CARD10: variants seen among roughly 807,000 people sequenced by gnomAD.
The protein encoded by CARD10 is caspase recruitment domain family member 10.
CARD10 carries 49 observed loss-of-function variants against 114.6 expected under a neutral mutation model. The ratio of observed to expected loss-of-function variants is 0.43; its 90% CI spans 0.34 to 0.54. CARD10 has a LOEUF of 0.54. Ranked by LOEUF, CARD10 falls within the 20% of genes least tolerant of loss-of-function variation. The pLI, the probability that CARD10 is intolerant of heterozygous loss-of-function variation, is 0.03. For missense variants in CARD10, 1,206 were observed against 1,397.2 expected (o/e 0.86, Z 2.18); for synonymous variants, 602 against 593.2 (o/e 1.01, Z -0.21).
chr22:37,506,294 C>T lies in CARD10; in HGVS notation c.1281G>A (p.Glu427=). Residue 427 remains glutamate (E), a synonymous_variant, in exon 7 of 20, where the codon GAG becomes GAA. Transcript: ENST00000251973. The part of the protein sequence containing the change: ...DQYRKQVRGL[E]AERDELLTTL... ...TTGTCAGCAGCTCATCCCGCTCCGC[C>T]TCCAGGCCCCGCACCTGCTTGCGGT... The T allele has an allele frequency of 6.2e-7, 1 of 1,611,012 alleles. No homozygotes were observed. Among genetic ancestry groups the T allele is most frequent in the South Asian group, 1.1e-5 (1 of 89,986 alleles).
At chr22:37,505,879 A>T (rs562601524) in intron 7 of CARD10, among the ~76,000 whole-genome samples, 1 of 152,280 alleles carries the variant, frequency 6.6e-6, no homozygotes, top group East Asian at 1.9e-4. Context: ...GCATTCTAAC[A>T]TGCACACAGG....
chr22:37,498,437 G>A (rs1372126622), intron 11 of CARD10, among the ~76,000 whole-genome samples: 2 of 152,190 alleles, frequency 1.3e-5, no homozygotes, highest in Non-Finnish European at 2.9e-5. Flanking sequence ...GGAGGAGGTG[G>A]GGAGACCAAG....
At chr22:37,518,589 A>C (rs1313184288) in intron 1 of CARD10, among the ~76,000 whole-genome samples, 2 of 152,172 alleles carry the variant, frequency 1.3e-5, no homozygotes, top group Admixed American at 6.5e-5. Flanking sequence ...TATGGTGCAC[A>C]GAGGAGGGGA....
At chr22:37,505,507 C>T (rs1214306316) in intron 7 of CARD10, among the ~76,000 whole-genome samples, 1 of 151,794 alleles carries the variant, frequency 6.6e-6, no homozygotes, top group Non-Finnish European at 1.5e-5. Context: ...CCCATCCCTA[C>T]TGAAAATACA....
At chr22:37,515,132 G>C (rs1000235696) in intron 3 of CARD10, among the ~76,000 whole-genome samples, 3 of 152,214 alleles carry the variant, frequency 2.0e-5, no homozygotes, top group African/African-American at 7.2e-5. Context: ...ATGAGGGCTT[G>C]GCGTATGGTG....
Position 37,491,221 on chromosome 22 carries a change from C to T in CARD10, c.3037G>A (p.Ala1013Thr), listed in dbSNP as rs374790050. 66 of 1,569,136 alleles carry T rather than the reference C, an allele frequency of 4.2e-5. No individual in the cohort carries two copies. In the African/African-American group the frequency reaches 8.0e-4, roughly 19 times the overall value. The change falls in exon 20 of 20, where the codon GCC becomes ACC. Residue 1013 changes from alanine (A) to threonine (T), a missense_variant. By Grantham distance (58) the Ala-to-Thr change is moderately conservative. Coordinates refer to ENST00000251973, the MANE Select transcript of CARD10 (RefSeq NM_014550.4). ...VVRGRILQEQ[A>T]RLVWVECGSS... ...CCGCACTCCACCCACACGAGGCGGG[C>T]CTGCTCCTGCAGGATGCGGCCGCGC...
Position 37,496,424 on chromosome 22 carries a change from G to T in CARD10, c.2059+25C>A. On this transcript the variant is annotated intron_variant, in intron 13 of 19. Transcript: ENST00000251973. This position sits in a 1 kb window ranked among gnomAD's most constrained non-coding sequence, Gnocchi z 4.1. ...TTAGAGGACCCCTCTGGGGCCAACA[G>T]CTCCGACTCCCAAGCCAGACTTACC... is the stretch of plus-strand genomic sequence containing the variant. 6.4e-7 allele frequency: 1 copy of T among 1,559,864 alleles called. No homozygotes were observed. Among genetic ancestry groups the T allele is most frequent in the East Asian group, 2.2e-5 (1 of 44,542 alleles).
chr22:37,517,874 T>C, intron 2 of CARD10, 97 bp downstream of exon 2: 2 of 1,455,198 alleles, frequency 1.4e-6, no homozygotes. Flanking sequence ...CCCTTACTGT[T>C]CAACAGGCAT....
intron 7 of CARD10, among the ~76,000 whole-genome samples, chr22:37,505,435 T>C (rs991164525): frequency 1.8e-4 from 27 of 152,078 alleles, no homozygotes; most frequent in African/African-American, 6.5e-4. Flanking sequence ...TTTGGGAGGC[T>C]GAGGCAGGAG....
chr22:37,507,000 T>C (rs1202038525), intron 6 of CARD10, among the ~76,000 whole-genome samples: 1 of 152,226 alleles, frequency 6.6e-6, no homozygotes, highest in Admixed American at 6.5e-5. Context: ...AGACTTCGGC[T>C]GGGCATGGGA....
intron 14 of CARD10, 86 bp from the exon 15 acceptor site, chr22:37,495,672 G>C (rs962871597): frequency 1.9e-6 from 3 of 1,609,854 alleles, no homozygotes; most frequent in Non-Finnish European, 2.5e-6. Flanking sequence ...CCAGAGGATG[G>C]TGAGGGAATG....
chr22:37,491,121 C>A lies in CARD10; in HGVS notation c.*38G>T, dbSNP rs758830435. On this transcript the variant is annotated 3_prime_UTR_variant, in exon 20 of 20. Coordinates refer to ENST00000251973, the MANE Select transcript of CARD10 (RefSeq NM_014550.4). ...GCTTCACCATAGACACCAGGGTCCA[C>A]GCTGGCTTGGGGAGAAGGTGCAGGT... The A allele has an allele frequency of 6.7e-7, 1 of 1,490,710 alleles. No individual in the cohort carries two copies. The highest frequency in any genetic ancestry group is 9.1e-7 in the Non-Finnish European group (1 of 1,097,560). The allele number at this position is 1,490,710 out of a possible 1,614,324, so 92.3% of individuals were successfully genotyped here. A position where few individuals can be genotyped will look rare whatever the true frequency, so the allele number is the denominator to read the frequency against.
chr22:37,495,872 T>A lies in CARD10; in HGVS notation c.2191A>T (p.Ile731Phe). 6.2e-7 allele frequency: 1 copy of A among 1,614,036 alleles called. No homozygotes were observed. Among genetic ancestry groups the A allele is most frequent in the South Asian group, 1.1e-5 (1 of 91,084 alleles). The change falls in exon 14 of 20, where the codon ATC becomes TTC. Residue 731 changes from isoleucine to phenylalanine, a missense_variant. Coordinates refer to ENST00000251973, the MANE Select transcript of CARD10 (RefSeq NM_014550.4). ...TATGCCGAGTCCACCAGTCGAAGGA[T>A]CTCTTGGGCTTTCACGCAAAGGGCA... ...PHALCVKAQEILRLVDSAYKR... is the reference protein window; with the variant it reads ...PHALCVKAQEFLRLVDSAYKR...
intron 1 of CARD10, 126 bp from the exon 2 acceptor site, chr22:37,518,234 G>T: frequency 1.2e-6 from 1 of 856,388 alleles, no homozygotes; most frequent in Non-Finnish European, 1.8e-6. Context: ...ACACACACAG[G>T]GGCCTGTCCC....
rs1349719791 is a variant in CARD10, at chr22:37,497,011, G to A, written c.1947+8C>T. 2 of 1,606,054 alleles carry A rather than the reference G, an allele frequency of 1.2e-6. No homozygotes were observed. The highest frequency in any genetic ancestry group is 2.2e-5 in the East Asian group (1 of 44,698). ...CCTACCCCCCCAGCTCAGGAGGCAG[G>A]GCCTCACCTCTCTTGGTTCCATCCT... is the stretch of plus-strand genomic sequence containing the variant. On this transcript the variant is annotated splice_region_variant and intron_variant, in intron 12 of 19. Coordinates refer to ENST00000251973, the MANE Select transcript of CARD10 (RefSeq NM_014550.4).
Position 37,519,157 on chromosome 22 carries a change from C to CCGGCCTCCTCCT in CARD10, c.32_43dup (p.Glu11_Ala14dup). The CCGGCCTCCTCCT allele has an allele frequency of 6.5e-7, 1 of 1,540,962 alleles. No homozygotes were observed. The highest frequency in any genetic ancestry group is 8.7e-7 in the Non-Finnish European group (1 of 1,149,484). On this transcript the variant is annotated inframe_insertion, in exon 1 of 20. Transcript: ENST00000251973. The surrounding 1 kb of genome is among the most constrained non-coding windows in gnomAD (Gnocchi z 4.1). ...CTCCGCCTCAGACCCCGAGCCGGCC[C>CCGGCCTCCTCCT]CGGCCTCCTCCTCGGCCTCCCCCGC...
At chr22:37,503,643 A>G (rs1260925981) in intron 9 of CARD10, among the ~76,000 whole-genome samples, 1 of 152,052 alleles carries the variant, frequency 6.6e-6, no homozygotes, top group Non-Finnish European at 1.5e-5. Flanking sequence ...GGCCATACTG[A>G]CCACAGCCTC....
rs745445545 is a variant in CARD10, at chr22:37,495,540, G to T, written c.2350C>A (p.Arg784=). 16 of 1,612,792 alleles carry T rather than the reference G, an allele frequency of 9.9e-6. No homozygotes were observed. In the South Asian group the frequency reaches 1.7e-4, roughly 17 times the overall value. The change falls in exon 15 of 20, where the codon CGG becomes AGG. Residue 784 remains arginine (R), a synonymous_variant. Coordinates refer to ENST00000251973, the MANE Select transcript of CARD10 (RefSeq NM_014550.4). Reference sequence around the variant, plus strand: ...ACATTACTGCGGGGGCCTCGGTGCCGGCTGGAGGGCAGGCATTTCTCCTGA... The same window carrying T: ...ACATTACTGCGGGGGCCTCGGTGCCTGCTGGAGGGCAGGCATTTCTCCTGA... The part of the protein sequence containing the change: ...EVQEKCLPSS[R]HRGPRSNLKK...
At chr22:37,516,440 G>A in intron 2 of CARD10, 142 bp from the exon 3 acceptor site, 1 of 609,522 alleles carries the variant, frequency 1.6e-6, no homozygotes, top group Non-Finnish European at 2.7e-6. Flanking sequence ...AGCAGGGGAG[G>A]TCTTCCTAAA....
Sources: gnomAD v4.1 joint callset for allele counts (sites outside exome capture counted in the v4.1 genomes callset) on GRCh38, gnomAD v4.1.1 for gene constraint, Gnocchi (gnomAD v3.1) non-coding constraint, MANE v1.5 for transcripts, NCBI Gene and HGNC (gene_info 2026-07-23, HGNC 2026-07-21) for gene names.